The following OTUD3 variants were observed in gnomAD, a reference collection of about 807,000 sequenced individuals.
OTUD3 encodes OTU deubiquitinase 3, also known as OTU domain-containing protein 3.
In OTUD3, 24 loss-of-function variants were observed where a neutral mutation model predicts 46.2. That is an observed-to-expected ratio of 0.52 (90% CI 0.38 to 0.73). The LOEUF (loss-of-function observed/expected upper bound fraction) is 0.73. OTUD3 is among the 30% of genes least tolerant of loss of function. The pLI, the probability that OTUD3 is intolerant of heterozygous loss-of-function variation, is 0.00. For missense variants in OTUD3, 455 were observed against 523.3 expected (o/e 0.87, Z 1.27); for synonymous variants, 189 against 195.4 (o/e 0.97, Z 0.27).
intron 4 of OTUD3, among the ~76,000 whole-genome samples, chr1:19,898,728 CAAAA>C (rs754569616): frequency 8.8e-6 from 1 of 114,054 alleles, no homozygotes. Context: ...AACTCCATCT[CAAAA>C]AAAAAAAAAA....
At position 19,910,705 on chromosome 1, in the gene OTUD3, G is replaced by C. The variant is rs1347459214; in HGVS notation, c.*2959G>C. On this transcript the variant is annotated 3_prime_UTR_variant, in exon 8 of 8. Coordinates refer to ENST00000375120, the MANE Select transcript of OTUD3 (RefSeq NM_015207.2). The stretch of plus-strand genomic sequence containing the variant: ...TTTGATTCTGAGGGCTTGGGAAGTG[G>C]GATCTCCCTTGTGGAGCAGCTGGAG... The C allele has an allele frequency of 6.6e-6, 1 of 152,258 alleles. No homozygotes were observed. Among genetic ancestry groups the C allele is most frequent in the Non-Finnish European group, 1.5e-5 (1 of 68,006 alleles). The allele number at this position is 152,258 out of a possible 1,614,324, so 9.4% of individuals were successfully genotyped here. A position where few individuals can be genotyped will look rare whatever the true frequency, so the allele number is the denominator to read the frequency against.
chr1:19,882,788 C>A, intron 1 of OTUD3, 54 bp downstream of exon 1: 3 of 1,254,660 alleles, frequency 2.4e-6, no homozygotes, highest in African/African-American at 1.6e-5. Flanking sequence ...CCGGGCTCGG[C>A]CTGGCGACCG....
chr1:19,885,071 A>G (rs552067213), intron 1 of OTUD3, among the ~76,000 whole-genome samples: 20 of 152,274 alleles, frequency 1.3e-4, no homozygotes, highest in African/African-American at 3.6e-4. Context: ...CCATCTGAGA[A>G]GGAGTATATA....
intron 4 of OTUD3, among the ~76,000 whole-genome samples, chr1:19,898,872 A>G (rs934838675): frequency 2.6e-5 from 4 of 152,130 alleles, no homozygotes; most frequent in African/African-American, 9.7e-5. Context: ...GTGCAGTGGC[A>G]CCATCACGGC....
intron 4 of OTUD3, among the ~76,000 whole-genome samples, chr1:19,902,462 C>T (rs1245657330): frequency 6.6e-6 from 1 of 152,192 alleles, no homozygotes; most frequent in Non-Finnish European, 1.5e-5. Flanking sequence ...ACCTCGGCCT[C>T]CCAAAGTGCT....
chr1:19,906,629 G>A lies in OTUD3; in HGVS notation c.1020+13G>A, dbSNP rs2045665095. ...CCAGCTCGCAAAGGTATGTAAGATG[G>A]GGTTGAATGGGCAGGTGGTGGGCAG... is the stretch of plus-strand genomic sequence containing the variant. On this transcript the variant is annotated intron_variant, in intron 7 of 7. Transcript: ENST00000375120. 1 of 1,591,720 alleles carries A rather than the reference G, an allele frequency of 6.3e-7. No homozygotes were observed. The highest frequency in any genetic ancestry group is 1.3e-5 in the African/African-American group (1 of 74,340).
intron 3 of OTUD3, 37 bp downstream of exon 3, chr1:19,894,517 A>G (rs764088933): frequency 7.4e-6 from 9 of 1,209,954 alleles, no homozygotes; most frequent in Non-Finnish European, 8.4e-6. Flanking sequence ...TTAAGCTCTT[A>G]TTTCTAAGTC....
At chr1:19,896,482 C>G (rs1396646545) in intron 3 of OTUD3, among the ~76,000 whole-genome samples, 5 of 152,056 alleles carry the variant, frequency 3.3e-5, no homozygotes, top group Non-Finnish European at 5.9e-5. Context: ...AAATGGTGCT[C>G]TCTATTTTGT....
chr1:19,884,666 C>CA (rs1334061338), intron 1 of OTUD3, among the ~76,000 whole-genome samples: 2 of 152,156 alleles, frequency 1.3e-5, no homozygotes, highest in Non-Finnish European at 2.9e-5. Context: ...CATTAGCTAT[C>CA]AGAGTGATGA....
At chr1:19,890,160 A>G (rs116765833) in intron 1 of OTUD3, among the ~76,000 whole-genome samples, 208 of 152,298 alleles carry the variant, frequency 1.4e-3, no homozygotes, top group African/African-American at 4.9e-3. Context: ...CAGCTGGTAC[A>G]TGGGGAATAG....
chr1:19,885,919 A>G (rs910154312), intron 1 of OTUD3, among the ~76,000 whole-genome samples: 1 of 152,228 alleles, frequency 6.6e-6, no homozygotes, highest in East Asian at 1.9e-4. Flanking sequence ...ATTGTTGGCA[A>G]TATGGTACCT....
chr1:19,904,515 C>G (rs1010245529), intron 5 of OTUD3, 117 bp downstream of exon 5: 2 of 881,576 alleles, frequency 2.3e-6, no homozygotes, highest in African/African-American at 3.4e-5. Flanking sequence ...AAAATAGGCC[C>G]ATGAGATTTG....
intron 1 of OTUD3, among the ~76,000 whole-genome samples, chr1:19,886,214 G>A (rs1294961464): frequency 6.6e-6 from 1 of 152,058 alleles, no homozygotes; most frequent in Non-Finnish European, 1.5e-5. Context: ...CTATTTATTA[G>A]GCAGTACAAT....
intron 4 of OTUD3, among the ~76,000 whole-genome samples, chr1:19,901,780 T>C (rs565654902): frequency 4.6e-5 from 7 of 152,334 alleles, no homozygotes; most frequent in Admixed American, 1.3e-4. Context: ...GACTTTTTCT[T>C]TGTGGCTTCT....
chr1:19,905,157 T>C (rs936320246), intron 6 of OTUD3, among the ~76,000 whole-genome samples, 170 bp downstream of exon 6: 2 of 152,178 alleles, frequency 1.3e-5, no homozygotes, highest in African/African-American at 2.4e-5. Context: ...CTGTCTCTGC[T>C]TCAGGGGGAG....
chr1:19,907,774 A>G lies in OTUD3; in HGVS notation c.*28A>G. On this transcript the variant is annotated 3_prime_UTR_variant, in exon 8 of 8. Transcript: ENST00000375120. ...CTTTGGCCTCTTGGGAGTTGTAAGA[A>G]GCGGCTGGAAAAGGATTGCTGTGTG... 1.2e-6 allele frequency: 2 copies of G among 1,608,862 alleles called. No homozygotes were observed. Among genetic ancestry groups the G allele is most frequent in the Non-Finnish European group, 1.7e-6 (2 of 1,175,892 alleles).
intron 7 of OTUD3, 27 bp from the exon 8 acceptor site, chr1:19,907,543 A>G (rs1362821564): frequency 2.5e-6 from 4 of 1,611,008 alleles, no homozygotes; most frequent in Admixed American, 1.7e-5. Context: ...CGTGCTTCCT[A>G]CTCACCACCA....
intron 2 of OTUD3, among the ~76,000 whole-genome samples, chr1:19,894,035 TAAC>T (rs1320799495): frequency 2.0e-5 from 3 of 152,252 alleles, no homozygotes; most frequent in Non-Finnish European, 4.4e-5. Context: ...GCTTGACACA[TAAC>T]AACCATTCAC....
chr1:19,892,171 A>G (rs2045455369), intron 2 of OTUD3, among the ~76,000 whole-genome samples: 1 of 152,210 alleles, frequency 6.6e-6, no homozygotes, highest in African/African-American at 2.4e-5. Flanking sequence ...GTCACTATGC[A>G]TGCCTGTTGC....
Sources: allele counts gnomAD v4.1 joint callset (sites outside exome capture counted in the v4.1 genomes callset), GRCh38; gene constraint gnomAD v4.1.1; transcripts MANE v1.5; gene names NCBI Gene and HGNC (gene_info 2026-07-23, HGNC 2026-07-21).